TRNT1: variants seen among roughly 807,000 people sequenced by gnomAD.
TRNT1 encodes the protein CCA tRNA nucleotidyltransferase 1, mitochondrial.
Under a neutral mutation model 45.6 loss-of-function variants are expected in TRNT1, and 44 were observed. That is an observed-to-expected ratio of 0.97 (90% CI 0.76 to 1.24). The LOEUF (loss-of-function observed/expected upper bound fraction) is 1.24, where lower values mean the gene tolerates loss of function less well. TRNT1 is among the 50% of genes most tolerant of loss of function. The pLI is 0.00. For synonymous variants in TRNT1, 201 were observed against 171.4 expected, an observed-to-expected ratio of 1.17 and a Z score of -1.35; for missense variants, 633 against 504.4, an observed-to-expected ratio of 1.25 and a Z score of -2.44.
In TRNT1 at chr3:3,146,629, A is replaced by T; in HGVS notation, c.802+6A>T. On this transcript the variant is annotated splice_donor_region_variant and intron_variant, in intron 6 of 7. Coordinates refer to ENST00000251607, the MANE Select transcript of TRNT1 (RefSeq NM_182916.3). ...TGATGTGGCTCCTTATATAGGTGAG[A>T]GCAAGTTATAAAGTGTTTGAATTTT... The T allele has an allele frequency of 6.3e-7, 1 of 1,581,664 alleles. No individual in the cohort carries two copies. Among genetic ancestry groups the T allele is most frequent in the Non-Finnish European group, 8.6e-7 (1 of 1,165,924 alleles).
chr3:3,138,659 T>C (rs926752393), intron 3 of TRNT1, among the ~76,000 whole-genome samples: 1 of 152,234 alleles, frequency 6.6e-6, no homozygotes, highest in Admixed American at 6.5e-5. Flanking sequence ...TTACTTTCTA[T>C]GAGAGTGCCT....
chr3:3,134,842 A>T (rs1259951845), intron 2 of TRNT1, among the ~76,000 whole-genome samples: 1 of 152,118 alleles, frequency 6.6e-6, no homozygotes, highest in Non-Finnish European at 1.5e-5. Flanking sequence ...TAATTTTAAT[A>T]TAATTGGTAT....
At position 3,146,438 on chromosome 3, in the gene TRNT1, G is replaced by T; in HGVS notation, c.617G>T (p.Gly206Val). The stretch of plus-strand genomic sequence containing the variant: ...AAGATTTTGTCTTGTAGGTTTTATG[G>T]GAGAATTGTAGACAAACCTGGTGAC... ...LRILRYFRFY[G>V]RIVDKPGDHD... Residue 206 changes from glycine (G) to valine (V), a missense_variant, in exon 6 of 8, where the codon GGG becomes GTG. Gly to Val is a moderately radical substitution (Grantham distance 109). Transcript: ENST00000251607. 6.2e-7 allele frequency: 1 copy of T among 1,608,514 alleles called. No homozygotes were observed.
chr3:3,150,646 T>C, downstream of TRNT1: 1 of 485,146 alleles, frequency 2.1e-6, no homozygotes, highest in Non-Finnish European at 3.8e-6. Context: ...CAAGTAGATG[T>C]TTCTGGTATT....
In TRNT1 at chr3:3,140,800, C is replaced by T. The variant is rs544933070; in HGVS notation, c.481+152C>T. The T allele has an allele frequency of 9.5e-5, 96 of 1,013,696 alleles. No individual in the cohort carries two copies. The African/African-American group carries it at 1.1e-3, about 12-fold the overall frequency. 62.8% of individuals were successfully genotyped at this position (1,013,696 alleles called of 1,614,324 possible). On this transcript the variant is annotated intron_variant, in intron 4 of 7. Coordinates refer to ENST00000251607, the MANE Select transcript of TRNT1 (RefSeq NM_182916.3). ...CAGATTGCTTCAAAGAATAGTCCCT[C>T]AGCCGGGCACGGTGGGTCACGCCTG...
intron 3 of TRNT1, among the ~76,000 whole-genome samples, chr3:3,138,897 A>G (rs949134362): frequency 2.0e-5 from 3 of 152,166 alleles, no homozygotes. Flanking sequence ...GATGCTCTGT[A>G]TCTGAGGGCT....
intron 2 of TRNT1, among the ~76,000 whole-genome samples, chr3:3,135,991 C>T (rs79352350): frequency 0.022 from 3,410 of 152,114 alleles, 115 homozygotes; most frequent in African/African-American, 0.077. Flanking sequence ...AGCTTTGCAG[C>T]GGGTTAGATG....
At position 3,148,120 on chromosome 3, in the gene TRNT1, A is replaced by G. The variant is rs1359127303; in HGVS notation, c.1271A>G (p.Lys424Arg). The change falls in exon 8 of 8, where the codon AAA (lysine) becomes AGA (arginine). Residue 424 changes from lysine (K) to arginine (R), a missense_variant. Physicochemically the swap from Lys to Arg is conservative, Grantham distance 26. Coordinates refer to ENST00000251607, the MANE Select transcript of TRNT1 (RefSeq NM_182916.3). ...AAAAAAAGTGGTTACCAAATGGAAAAAGATGAACTTCTGAGTTACATAAAG... is the reference window on the plus strand; with the variant it reads ...AAAAAAAGTGGTTACCAAATGGAAAGAGATGAACTTCTGAGTTACATAAAG... ...QWKKSGYQMEKDELLSYIKKT is the reference protein window; with the variant it reads ...QWKKSGYQMERDELLSYIKKT 1 of 1,613,812 alleles carries G rather than the reference A, an allele frequency of 6.2e-7. No homozygotes were observed. Among genetic ancestry groups the G allele is most frequent in the East Asian group, 2.2e-5 (1 of 44,868 alleles).
rs761259953 is a variant in TRNT1, at chr3:3,147,443, C to T, written c.803-7C>T. On this transcript the variant is annotated splice_polypyrimidine_tract_variant and splice_region_variant and intron_variant, in intron 6 of 7. Transcript: ENST00000251607. ...AAAACAGGTGAAAAATGCTTTTGTCCCTACAGGTTTACCTGCTAATGCAAG... is the reference window on the plus strand; with the variant it reads ...AAAACAGGTGAAAAATGCTTTTGTCTCTACAGGTTTACCTGCTAATGCAAG... The T allele has an allele frequency of 1.2e-6, 2 of 1,611,298 alleles. No homozygotes were observed. The highest frequency in any genetic ancestry group is 1.7e-5 in the Admixed American group (1 of 59,840).
chr3:3,153,179 A>C (rs1706703542), downstream of TRNT1: 1 of 447,646 alleles, frequency 2.2e-6, no homozygotes, highest in East Asian at 4.3e-5. Context: ...ATTAGGGGGA[A>C]AAGAATTTCT....
intron 1 of TRNT1, chr3:3,127,991 A>C (rs961745655): frequency 1.3e-5 from 2 of 152,264 alleles, no homozygotes; most frequent in Non-Finnish European, 2.9e-5. Context: ...ACTCAGAATT[A>C]CAGAGCTTTC....
chr3:3,130,296 C>A, intron 2 of TRNT1: 1 of 236,204 alleles, frequency 4.2e-6, no homozygotes, highest in Non-Finnish European at 8.4e-6. Context: ...GGATGACCAT[C>A]TATATTTTTA....
rs754086954 is a variant in TRNT1 at position 3,129,115 on chromosome 3, G to C, written c.75G>C (p.Gln25His). ...GGAGTAGGCTGTGCCTTCCGAAGCAGTATCTATTCACAATGAAGTTGCAGT... is the reference window on the plus strand; with the variant it reads ...GGAGTAGGCTGTGCCTTCCGAAGCACTATCTATTCACAATGAAGTTGCAGT... ...RRWSRLCLPK[Q>H]YLFTMKLQSP... Residue 25 changes from glutamine to histidine, a missense_variant, in exon 2 of 8, where the codon CAG becomes CAC. By Grantham distance (24) the Gln-to-His change is conservative (BLOSUM62 0). Transcript: ENST00000251607. 6.2e-7 allele frequency: 1 copy of C among 1,613,920 alleles called. No individual in the cohort carries two copies. Among genetic ancestry groups the C allele is most frequent in the South Asian group, 1.1e-5 (1 of 91,076 alleles).
chr3:3,148,587 A>G lies in TRNT1; in HGVS notation c.*433A>G, dbSNP rs1706227350. On this transcript the variant is annotated 3_prime_UTR_variant, in exon 8 of 8. Transcript: ENST00000251607. ...GTGTCAGTTCTTATCTGAATTCCAA[A>G]ATAAACCTGTGCTTAAAAAAGAAAT... 1 of 153,012 alleles carries G rather than the reference A, an allele frequency of 6.5e-6. No homozygotes were observed. The highest frequency in any genetic ancestry group is 2.4e-5 in the African/African-American group (1 of 41,452). The allele number at this position is 153,012 out of a possible 1,614,324, so 9.5% of individuals were successfully genotyped here. A position where few individuals can be genotyped will look rare whatever the true frequency, so the allele number is the denominator to read the frequency against.
intron 2 of TRNT1, among the ~76,000 whole-genome samples, chr3:3,133,962 A>G (rs904841752): frequency 2.0e-5 from 3 of 152,160 alleles, no homozygotes; most frequent in African/African-American, 7.2e-5. Context: ...AAGAGGTGAC[A>G]GTTATAAAAG....
At position 3,144,632 on chromosome 3, in the gene TRNT1, A is replaced by G. The variant is rs1705869749; in HGVS notation, c.530A>G (p.Lys177Arg). 2 of 1,587,354 alleles carry G rather than the reference A, an allele frequency of 1.3e-6. No homozygotes were observed. The highest frequency in any genetic ancestry group is 1.7e-6 in the Non-Finnish European group (2 of 1,160,310). Residue 177 changes from lysine (K) to arginine (R), a missense_variant, in exon 5 of 8, where the codon AAA becomes AGA. Coordinates refer to ENST00000251607, the MANE Select transcript of TRNT1 (RefSeq NM_182916.3). ...TACTTTAATGGTTATGAAGATTTAAAAAATAAGAAAGTTAGATTTGTTGGA... is the reference window on the plus strand; with the variant it reads ...TACTTTAATGGTTATGAAGATTTAAGAAATAAGAAAGTTAGATTTGTTGGA... ...FDYFNGYEDLKNKKVRFVGHA... is the reference protein window; with the variant it reads ...FDYFNGYEDLRNKKVRFVGHA...
At chr3:3,150,811 C>CAGATCTTAGAATATAACCAATTT, downstream of TRNT1, 1 of 1,545,496 alleles carries the variant, frequency 6.5e-7, no homozygotes, top group Non-Finnish European at 8.9e-7. Flanking sequence ...ATTTCCAAAG[C>CAGATCTTAGAATATAACCAATTT]AGATCTTAGA....
In TRNT1 at chr3:3,148,025, C is replaced by G; in HGVS notation, c.1176C>G (p.Asp392Glu). The change falls in exon 8 of 8, where the codon GAC becomes GAG. Residue 392 changes from aspartate (D) to glutamate (E), a missense_variant. Asp to Glu is a conservative substitution (Grantham distance 45). Transcript: ENST00000251607. ...SIPPFPVSGH[D>E]IRKVGISSGK... ...CTCCATTTCCTGTAAGTGGCCATGA[C>G]ATCAGAAAAGTGGGCATTTCTTCAG... 6.2e-7 allele frequency: 1 copy of G among 1,613,922 alleles called. No individual in the cohort carries two copies.
intron 2 of TRNT1, among the ~76,000 whole-genome samples, chr3:3,135,832 C>A (rs1375153463): frequency 6.6e-6 from 1 of 152,144 alleles, no homozygotes; most frequent in Non-Finnish European, 1.5e-5. Context: ...GGTTGTTACT[C>A]CTGGCAGTGA....
Sources: gnomAD v4.1 joint callset for allele counts (sites outside exome capture counted in the v4.1 genomes callset) on GRCh38, gnomAD v4.1.1 for gene constraint, MANE v1.5 for transcripts, NCBI Gene and HGNC (gene_info 2026-07-23, HGNC 2026-07-21) for gene names.